EPHA3: variants seen among roughly 807,000 people sequenced by gnomAD.
The protein encoded by EPHA3 is EPH receptor A3, also known as ephrin type-A receptor 3.
Under a neutral mutation model 107.1 loss-of-function variants are expected in EPHA3, and 42 were observed. The observed-to-expected ratio is 0.39, with a 90% CI of 0.31 to 0.51. EPHA3 has a LOEUF of 0.51. EPHA3 is among the 20% of genes least tolerant of loss of function. The probability of loss-of-function intolerance (pLI) is 0.78; values close to 1 mark genes in which losing one functional copy is unlikely to be tolerated. For synonymous variants in EPHA3, 461 were observed against 424.8 expected, an observed-to-expected ratio of 1.09 and a Z score of -1.05; for missense variants, 1,183 against 1,211.2, an observed-to-expected ratio of 0.98 and a Z score of 0.35.
At chr3:89,287,106 G>C (rs187171685) in intron 3 of EPHA3, among the ~76,000 whole-genome samples, 17 of 152,124 alleles carry the variant, frequency 1.1e-4, no homozygotes, top group Non-Finnish European at 2.4e-4. Context: ...CCTATTTTTG[G>C]TTTTAACAGG....
At chr3:89,427,912 T>C (rs1291503044) in intron 11 of EPHA3, among the ~76,000 whole-genome samples, 2 of 152,006 alleles carry the variant, frequency 1.3e-5, no homozygotes, top group African/African-American at 4.8e-5. Flanking sequence ...TTTGGTATTT[T>C]TCTTTTTAAA....
intron 2 of EPHA3, among the ~76,000 whole-genome samples, chr3:89,148,478 A>G (rs1290418977): frequency 6.6e-6 from 1 of 151,988 alleles, no homozygotes; most frequent in Admixed American, 6.6e-5. Context: ...TGACAATATC[A>G]AAAGTTATAC....
intron 2 of EPHA3, among the ~76,000 whole-genome samples, chr3:89,206,555 A>C (rs540810326): frequency 6.6e-6 from 1 of 152,326 alleles, no homozygotes; most frequent in Non-Finnish European, 1.5e-5. Context: ...TCTGTACTTT[A>C]AAATGCCATT....
chr3:89,479,014 T>C (rs1341717639), intron 16 of EPHA3, among the ~76,000 whole-genome samples: 3 of 152,164 alleles, frequency 2.0e-5, no homozygotes, highest in Non-Finnish European at 4.4e-5. Context: ...TCTGACTCCA[T>C]TTGTACATCG....
chr3:89,269,789 G>A (rs1481278757), intron 3 of EPHA3, among the ~76,000 whole-genome samples: 1 of 122,358 alleles, frequency 8.2e-6, no homozygotes, highest in African/African-American at 3.2e-5. Flanking sequence ...AGAGTGTGAT[G>A]TTCCCCTTCC....
chr3:89,115,548 T>C (rs1707232877), intron 1 of EPHA3, among the ~76,000 whole-genome samples: 1 of 151,066 alleles, frequency 6.6e-6, no homozygotes, highest in Admixed American at 6.6e-5. Flanking sequence ...TCAGTCTTTT[T>C]CATAAAAGAT....
At chr3:89,430,007 G>T (rs528750461) in intron 12 of EPHA3, among the ~76,000 whole-genome samples, 1 of 151,920 alleles carries the variant, frequency 6.6e-6, no homozygotes. Context: ...CAGATGATCC[G>T]CCCTCCTCAG....
intron 3 of EPHA3, among the ~76,000 whole-genome samples, chr3:89,212,102 A>C (rs1559603249): frequency 6.6e-6 from 1 of 151,968 alleles, no homozygotes. Context: ...GAGTGGTATA[A>C]AAATTAGTAA....
At chr3:89,347,721 T>G (rs930016342) in intron 5 of EPHA3, among the ~76,000 whole-genome samples, 1 of 150,478 alleles carries the variant, frequency 6.6e-6, no homozygotes, top group Non-Finnish European at 1.5e-5. Context: ...TTCCAGTTTT[T>G]GCCCATTCAG....
chr3:89,143,571 T>C (rs1704475918), intron 2 of EPHA3, among the ~76,000 whole-genome samples: 1 of 151,574 alleles, frequency 6.6e-6, no homozygotes, highest in African/African-American at 2.4e-5. Context: ...TCATGTATAA[T>C]GCGGGTTTTA....
intron 2 of EPHA3, among the ~76,000 whole-genome samples, chr3:89,163,955 G>GT (rs1046640323): frequency 3.9e-5 from 6 of 152,270 alleles, no homozygotes; most frequent in South Asian, 2.1e-4. Context: ...ATTGTGCCTA[G>GT]TTTTTTTGTA....
chr3:89,341,963 G>A lies in EPHA3; in HGVS notation c.1179G>A (p.Thr393=), dbSNP rs755790700. The A allele has an allele frequency of 3.7e-6, 6 of 1,612,904 alleles. No homozygotes were observed. Among genetic ancestry groups the A allele is most frequent in the South Asian group, 1.1e-5 (1 of 90,934 alleles). The stretch of plus-strand genomic sequence containing the variant: ...GACAGTTTGGACTCACCAACACCAC[G>A]GTGACAGTGACAGACCTTCTGGCAC... ...LPRQFGLTNT[T]VTVTDLLAHT... The change falls in exon 5 of 17, where the codon ACG becomes ACA. Residue 393 remains threonine, a synonymous_variant. Coordinates refer to ENST00000336596, the MANE Select transcript of EPHA3 (RefSeq NM_005233.6).
chr3:89,450,463 A>G lies in EPHA3; in HGVS notation c.2690+93A>G, dbSNP rs960578088. 2.4e-6 allele frequency: 3 copies of G among 1,251,714 alleles called. No individual in the cohort carries two copies. In the African/African-American group the frequency reaches 4.5e-5, roughly 19 times the overall value. 77.5% of individuals were successfully genotyped at this position (1,251,714 alleles called of 1,614,324 possible). On this transcript the variant is annotated intron_variant, in intron 15 of 16. Transcript: ENST00000336596. Reference sequence around the variant, plus strand: ...TTTTTTTAGCCCACCCCCAAAATGCATTATTTGAAGCTTGTATTCCACCAT... The same window carrying G: ...TTTTTTTAGCCCACCCCCAAAATGCGTTATTTGAAGCTTGTATTCCACCAT...
rs1227091674 is a variant in EPHA3, at chr3:89,202,531, AAAAATATATAT to A, written c.154-7327_154-7317del. Among the ~76,000 whole-genome samples, 17 of 24,776 alleles carry A rather than the reference AAAAATATATAT, an allele frequency of 6.9e-4. No individual in the cohort carries two copies. In the South Asian group the frequency reaches 0.013, roughly 19 times the overall value. The allele number at this position is 24,776 out of a possible 152,430, so 16.3% of individuals were successfully genotyped here. Reference sequence around the variant, plus strand: ...ACTCTGTCTCAAAAAAAAAAAAAAAAAAAATATATATATATATATATATATATATGAAAAAT... The same window carrying A: ...ACTCTGTCTCAAAAAAAAAAAAAAAAATATATATATATATATATGAAAAAT... On this transcript the variant is annotated intron_variant, in intron 2 of 16. Transcript: ENST00000336596.
In EPHA3 at chr3:89,134,421, A is replaced by G. The variant is rs377026540; in HGVS notation, c.153+7148A>G. Among the ~76,000 whole-genome samples, 4 of 142,520 alleles carry G rather than the reference A, an allele frequency of 2.8e-5. No individual in the cohort carries two copies. In the South Asian group the frequency reaches 7.0e-4, roughly 25 times the overall value. 93.5% of individuals were successfully genotyped at this position (142,520 alleles called of 152,430 possible). On this transcript the variant is annotated intron_variant, in intron 2 of 16. Coordinates refer to ENST00000336596, the MANE Select transcript of EPHA3 (RefSeq NM_005233.6). ...TGTGATGTCCCCCTTCCTGTGTCCA[A>G]GTGTTCTCATTGTTCAGTTCCCACC...
chr3:89,228,213 G>C (rs1256654755), intron 3 of EPHA3, among the ~76,000 whole-genome samples: 1 of 151,894 alleles, frequency 6.6e-6, no homozygotes, highest in Non-Finnish European at 1.5e-5. Flanking sequence ...TCATCCATGG[G>C]TTGATAGTCA....
chr3:89,125,467 TG>T (rs1704073516), intron 1 of EPHA3, among the ~76,000 whole-genome samples: 1 of 151,756 alleles, frequency 6.6e-6, no homozygotes, highest in South Asian at 2.1e-4. Flanking sequence ...ATTGATTAAT[TG>T]GTTGAGGGTA....
At chr3:89,266,481 A>G (rs893032846) in intron 3 of EPHA3, among the ~76,000 whole-genome samples, 3 of 152,140 alleles carry the variant, frequency 2.0e-5, no homozygotes, top group Non-Finnish European at 4.4e-5. Flanking sequence ...TTTAAATTCA[A>G]TTTTAGCATA....
At chr3:89,423,091 C>T (rs1053315550) in intron 11 of EPHA3, among the ~76,000 whole-genome samples, 2 of 151,440 alleles carry the variant, frequency 1.3e-5, no homozygotes, top group Admixed American at 6.6e-5. Context: ...ACTCCAAGAA[C>T]ACCTTCCATT....
Sources: allele counts gnomAD v4.1 joint callset (sites outside exome capture counted in the v4.1 genomes callset), GRCh38; gene constraint gnomAD v4.1.1; transcripts MANE v1.5; gene names NCBI Gene and HGNC (gene_info 2026-07-23, HGNC 2026-07-21).